The following MNAT1 variants were observed in gnomAD, a reference collection of about 807,000 sequenced individuals.
MNAT1 encodes the protein CDK-activating kinase assembly factor MAT1.
In MNAT1, 43 loss-of-function variants were observed where a neutral mutation model predicts 42.0. The observed-to-expected ratio is 1.02, with a 90% CI of 0.80 to 1.32. The LOEUF (loss-of-function observed/expected upper bound fraction) is 1.32. Among genes scored for constraint, MNAT1 ranks in the 40% most tolerant of loss-of-function variants. The probability of loss-of-function intolerance (pLI) is 0.00; values close to 1 mark genes in which losing one functional copy is unlikely to be tolerated. For missense variants in MNAT1, 306 were observed against 350.4 expected, an observed-to-expected ratio of 0.87 and a Z score of 1.01; for synonymous variants, 118 against 120.0, an observed-to-expected ratio of 0.98 and a Z score of 0.11.
At chr14:60,736,370 G>T (rs1054535251) in intron 1 of MNAT1, among the ~76,000 whole-genome samples, 7 of 151,898 alleles carry the variant, frequency 4.6e-5, no homozygotes, top group Non-Finnish European at 1.0e-4. Context: ...TGGCCTAGCA[G>T]CACTTAGCCA....
chr14:60,937,710 C>T (rs977282411), intron 7 of MNAT1, among the ~76,000 whole-genome samples: 11 of 152,110 alleles, frequency 7.2e-5, no homozygotes, highest in African/African-American at 2.2e-4. Context: ...CTTGGCGATG[C>T]GGGCTCTTTT....
At chr14:60,964,567 C>T (rs2036650014) in intron 7 of MNAT1, among the ~76,000 whole-genome samples, 1 of 152,124 alleles carries the variant, frequency 6.6e-6, no homozygotes, top group Admixed American at 6.5e-5. Flanking sequence ...ATACGATTTA[C>T]ACATATTTAA....
chr14:60,850,947 G>T (rs2033807689), intron 6 of MNAT1, among the ~76,000 whole-genome samples: 2 of 152,124 alleles, frequency 1.3e-5, no homozygotes, highest in South Asian at 4.2e-4. Flanking sequence ...TAATGACATG[G>T]TCTGGTAAGA....
chr14:60,954,742 T>G (rs1316456096), intron 7 of MNAT1, among the ~76,000 whole-genome samples: 2 of 152,186 alleles, frequency 1.3e-5, no homozygotes, highest in Non-Finnish European at 2.9e-5. Context: ...GGCTATAACT[T>G]CCAGTATTAT....
chr14:60,784,940 G>A (rs1187815987), intron 1 of MNAT1, among the ~76,000 whole-genome samples: 1 of 151,808 alleles, frequency 6.6e-6, no homozygotes, highest in African/African-American at 2.4e-5. Flanking sequence ...GCAACCTCTG[G>A]CTCCCAGGTT....
At position 60,908,922 on chromosome 14, in the gene MNAT1, G is replaced by A. The variant is rs373471806; in HGVS notation, c.809+29087G>A. The stretch of plus-strand genomic sequence containing the variant: ...TACCGACTTCCACAATGGTTGAACT[G>A]GTTTACAGTCCCACCAACAGTGTAA... On this transcript the variant is annotated intron_variant, in intron 7 of 7. Transcript: ENST00000261245. Among the ~76,000 whole-genome samples the A allele has an allele frequency of 5.6e-3, 845 of 152,252 alleles. 8 individuals are homozygous for A. The highest frequency in any genetic ancestry group is 0.018 in the African/African-American group (762 of 41,544).
In MNAT1 at chr14:60,913,380, T is replaced by G. The variant is rs541432865; in HGVS notation, c.809+33545T>G. On this transcript the variant is annotated intron_variant, in intron 7 of 7. Coordinates refer to ENST00000261245, the MANE Select transcript of MNAT1 (RefSeq NM_002431.4). ...TTCCGTTGCTGGTGAGGAGCTGCAT[T>G]CCTTTGGAGGAGGAGAGGCGCTCTG... Among the ~76,000 whole-genome samples, 4 of 152,352 alleles carry G rather than the reference T, an allele frequency of 2.6e-5. No individual in the cohort carries two copies. The South Asian group carries it at 6.2e-4, about 24-fold the overall frequency.
At chr14:60,906,852 A>G (rs914673480) in intron 7 of MNAT1, among the ~76,000 whole-genome samples, 1 of 152,312 alleles carries the variant, frequency 6.6e-6, no homozygotes, top group Non-Finnish European at 1.5e-5. Flanking sequence ...ATCTAATAGT[A>G]TATATGTAAG....
Position 60,935,327 on chromosome 14 carries a change from C to T in MNAT1, c.810-32902C>T, listed in dbSNP as rs555113473. Among the ~76,000 whole-genome samples, 9 of 148,376 alleles carry T rather than the reference C, an allele frequency of 6.1e-5. No individual in the cohort carries two copies. In the East Asian group the frequency reaches 1.6e-3, roughly 27 times the overall value. On this transcript the variant is annotated intron_variant, in intron 7 of 7. Coordinates refer to ENST00000261245, the MANE Select transcript of MNAT1 (RefSeq NM_002431.4). ...CCTACCTAGCCCCCATCCCTCCCTCCCTCCCTCCTTCCTTTCTTCTTTCTC... is the reference window on the plus strand; with the variant it reads ...CCTACCTAGCCCCCATCCCTCCCTCTCTCCCTCCTTCCTTTCTTCTTTCTC...
At chr14:60,960,985 G>A (rs562842988) in intron 7 of MNAT1, among the ~76,000 whole-genome samples, 5 of 151,064 alleles carry the variant, frequency 3.3e-5, no homozygotes, top group South Asian at 4.2e-4. Flanking sequence ...TTTTTGAGAC[G>A]GAGTGTTGCT....
intron 6 of MNAT1, among the ~76,000 whole-genome samples, chr14:60,846,761 C>T (rs756704084): frequency 5.4e-4 from 82 of 152,088 alleles, no homozygotes; most frequent in Non-Finnish European, 9.9e-4. Context: ...TATGTTATGG[C>T]CAAATATATT....
chr14:60,921,316 A>C (rs1266099419), intron 7 of MNAT1, among the ~76,000 whole-genome samples: 2 of 152,192 alleles, frequency 1.3e-5, no homozygotes, highest in Admixed American at 6.5e-5. Flanking sequence ...AAAATAAATA[A>C]ATTCATTGGG....
Position 60,774,158 on chromosome 14 carries a change from T to C in MNAT1, c.90-22059T>C, listed in dbSNP as rs558337293. 3.9e-5 allele frequency among the ~76,000 whole-genome samples: 6 copies of C among 152,344 alleles called. No homozygotes were observed. The East Asian group carries it at 1.2e-3, about 29-fold the overall frequency. On this transcript the variant is annotated intron_variant, in intron 1 of 7. Coordinates refer to ENST00000261245, the MANE Select transcript of MNAT1 (RefSeq NM_002431.4). ...TTTCTAACAAGAATTTTGGCTGTTT[T>C]GTGGCACAAGTGGAGGAAGACTTAG...
intron 6 of MNAT1, among the ~76,000 whole-genome samples, chr14:60,847,554 G>C (rs1438787784): frequency 1.3e-5 from 2 of 151,838 alleles, no homozygotes; most frequent in African/African-American, 4.8e-5. Context: ...TTTTTCATTT[G>C]GATAGTCTTT....
At chr14:60,767,436 G>T (rs2140304356) in intron 1 of MNAT1, among the ~76,000 whole-genome samples, 1 of 152,218 alleles carries the variant, frequency 6.6e-6, no homozygotes, top group East Asian at 1.9e-4. Context: ...GAGAATTGAG[G>T]CCAGTTTTGG....
chr14:60,767,778 T>A (rs1481097605), intron 1 of MNAT1, among the ~76,000 whole-genome samples: 1 of 151,510 alleles, frequency 6.6e-6, no homozygotes, highest in Non-Finnish European at 1.5e-5. Context: ...TTTTTTTGTT[T>A]GTTTTGAGAT....
Position 60,740,089 on chromosome 14 carries a change from A to G in MNAT1, c.89+5138A>G, listed in dbSNP as rs757620181. ...AGAATCACTTGAACCTGGGAGGCAG[A>G]GGTTGCAGTGAGCCGAGATCACACC... On this transcript the variant is annotated intron_variant, in intron 1 of 7. Coordinates refer to ENST00000261245, the MANE Select transcript of MNAT1 (RefSeq NM_002431.4). The surrounding 1 kb of genome is among the most constrained non-coding windows in gnomAD (Gnocchi z 4.1). Among the ~76,000 whole-genome samples, 4 of 152,036 alleles carry G rather than the reference A, an allele frequency of 2.6e-5. No individual in the cohort carries two copies. The highest frequency in any genetic ancestry group is 4.4e-5 in the Non-Finnish European group (3 of 67,994).
At chr14:60,863,698 A>G (rs1282278204) in intron 6 of MNAT1, among the ~76,000 whole-genome samples, 1 of 152,136 alleles carries the variant, frequency 6.6e-6, no homozygotes, top group Non-Finnish European at 1.5e-5. Context: ...TATTTGTGGG[A>G]CCACCACTAT....
intron 6 of MNAT1, among the ~76,000 whole-genome samples, chr14:60,831,939 C>CT (rs1437379611): frequency 4.6e-5 from 7 of 152,148 alleles, no homozygotes; most frequent in Non-Finnish European, 8.8e-5. Context: ...TGATGATGAG[C>CT]TTTTTTTCAT....
Sources: allele counts gnomAD v4.1 joint callset (sites outside exome capture counted in the v4.1 genomes callset), GRCh38; gene constraint gnomAD v4.1.1; non-coding constraint Gnocchi (gnomAD v3.1); transcripts MANE v1.5; gene names NCBI Gene and HGNC (gene_info 2026-07-23, HGNC 2026-07-21).